The following AGMO variants were observed in gnomAD, a reference collection of about 807,000 sequenced individuals.
AGMO encodes the protein glyceryl-ether monooxygenase.
AGMO carries 75 observed loss-of-function variants against 60.2 expected under a neutral mutation model. That is an observed-to-expected ratio of 1.25 (90% confidence interval 1.03 to 1.51). The LOEUF (loss-of-function observed/expected upper bound fraction) is 1.51, where lower values mean the gene tolerates loss of function less well. AGMO is among the 40% of genes most tolerant of loss of function. AGMO has a pLI of 0.00. For synonymous variants in AGMO, 261 were observed against 177.1 expected (o/e 1.47, Z -3.76); for missense variants, 763 against 525.5 (o/e 1.45, Z -4.42).
chr7:15,467,812 G>T (rs1317660514), intron 3 of AGMO, among the ~76,000 whole-genome samples: 1 of 152,064 alleles, frequency 6.6e-6, no homozygotes, highest in Admixed American at 6.6e-5. Context: ...TATAATTGAA[G>T]ATTAAGATAT....
intron 12 of AGMO, among the ~76,000 whole-genome samples, chr7:15,216,456 G>C (rs897010983): frequency 1.3e-5 from 2 of 151,944 alleles, no homozygotes; most frequent in African/African-American, 4.8e-5. Flanking sequence ...TAAAATCCAA[G>C]AGCCTTGATT....
chr7:15,225,669 C>CT (rs1782058298), intron 12 of AGMO, among the ~76,000 whole-genome samples: 1 of 151,858 alleles, frequency 6.6e-6, no homozygotes, highest in Non-Finnish European at 1.5e-5. Context: ...TATTGAGCTT[C>CT]TATTATGATT....
At chr7:15,352,160 G>A (rs533711609) in intron 12 of AGMO, among the ~76,000 whole-genome samples, 2 of 152,126 alleles carry the variant, frequency 1.3e-5, no homozygotes, top group African/African-American at 4.8e-5. Flanking sequence ...GGACTGTTAG[G>A]GGAATCGAAA....
intron 12 of AGMO, among the ~76,000 whole-genome samples, chr7:15,283,196 C>G (rs1784014573): frequency 6.6e-6 from 1 of 151,922 alleles, no homozygotes. Context: ...AACAAAGTAT[C>G]TAGATAACAT....
At chr7:15,480,217 G>C (rs1344426864) in intron 3 of AGMO, among the ~76,000 whole-genome samples, 2 of 152,118 alleles carry the variant, frequency 1.3e-5, no homozygotes, top group Non-Finnish European at 2.9e-5. Flanking sequence ...AGTAATTAAG[G>C]ATTATCTAGA....
At chr7:15,326,633 T>C (rs912903783) in intron 12 of AGMO, among the ~76,000 whole-genome samples, 10 of 152,202 alleles carry the variant, frequency 6.6e-5, no homozygotes, top group Non-Finnish European at 4.4e-5. Context: ...CTCTTACGTG[T>C]GCTTACAGTA....
chr7:15,470,508 TTAA>T (rs1782424908), intron 3 of AGMO, among the ~76,000 whole-genome samples: 1 of 151,960 alleles, frequency 6.6e-6, no homozygotes, highest in Admixed American at 6.6e-5. Context: ...AATTAGAATC[TTAA>T]TAAATTGACT....
chr7:15,338,262 T>C (rs1781725861), intron 12 of AGMO, among the ~76,000 whole-genome samples: 1 of 152,312 alleles, frequency 6.6e-6, no homozygotes, highest in Non-Finnish European at 1.5e-5. Flanking sequence ...TGCTACCAAG[T>C]TGCAAAACAT....
At chr7:15,495,498 G>C (rs572936054) in intron 3 of AGMO, among the ~76,000 whole-genome samples, 23 of 152,236 alleles carry the variant, frequency 1.5e-4, no homozygotes, top group African/African-American at 5.3e-4. Flanking sequence ...TCAAATAGAA[G>C]GGGGGATTTT....
At chr7:15,185,291 T>A in the AGMO span, among the ~76,000 whole-genome samples, 1 of 152,130 alleles carries the variant, frequency 6.6e-6, no homozygotes, top group Non-Finnish European at 1.5e-5. Flanking sequence ...TATAATATAT[T>A]TGAATTAGAG....
chr7:15,348,308 C>A (rs2128552702), intron 12 of AGMO, among the ~76,000 whole-genome samples: 1 of 152,028 alleles, frequency 6.6e-6, no homozygotes, highest in Non-Finnish European at 1.5e-5. Flanking sequence ...GTGCTAAAGT[C>A]AAACACATAC....
the AGMO span, among the ~76,000 whole-genome samples, chr7:15,180,796 C>T: frequency 1.3e-5 from 2 of 152,096 alleles, no homozygotes. Context: ...CTGTTGCTAT[C>T]GCAGAATATC....
intron 12 of AGMO, among the ~76,000 whole-genome samples, chr7:15,354,354 AGACGTG>A (rs1782385283): frequency 2.6e-5 from 2 of 76,440 alleles, no homozygotes; most frequent in East Asian, 4.2e-4. Context: ...GCGTGTATAT[AGACGTG>A]TGTATATAGA....
rs10244991 is a variant in AGMO at position 15,415,568 on chromosome 7, C to G, written c.609+2990G>C. Among the ~76,000 whole-genome samples, 9 of 151,710 alleles carry G rather than the reference C, an allele frequency of 5.9e-5. No homozygotes were observed. The South Asian group carries it at 1.9e-3, about 32-fold the overall frequency. On this transcript the variant is annotated intron_variant, in intron 5 of 12. Transcript: ENST00000342526. ...GAAAAAAAAATATCATTGAATCATT[C>G]GGTTCAAATCTTCAATATCAAAGAA... is the stretch of plus-strand genomic sequence containing the variant.
At chr7:15,195,865 GA>G (rs1781104170), downstream of AGMO, among the ~76,000 whole-genome samples, 1 of 152,060 alleles carries the variant, frequency 6.6e-6, no homozygotes, top group Non-Finnish European at 1.5e-5. Context: ...CATTAAAAAT[GA>G]AAAATCAGAC....
chr7:15,202,208 A>G (rs1287724132), intron 12 of AGMO, among the ~76,000 whole-genome samples: 1 of 151,996 alleles, frequency 6.6e-6, no homozygotes, highest in Non-Finnish European at 1.5e-5. Context: ...TACTATTAAA[A>G]TAGGACCAGA....
intron 3 of AGMO, among the ~76,000 whole-genome samples, chr7:15,489,300 A>C (rs1391129859): frequency 6.6e-6 from 1 of 152,212 alleles, no homozygotes; most frequent in African/African-American, 2.4e-5. Flanking sequence ...AAAAACTTAC[A>C]TAACTTTAAG....
intron 12 of AGMO, among the ~76,000 whole-genome samples, chr7:15,343,477 GTTAA>G (rs1781930666): frequency 6.6e-6 from 1 of 152,114 alleles, no homozygotes; most frequent in Non-Finnish European, 1.5e-5. Context: ...TGGAGAAACA[GTTAA>G]AAGATTTTTT....
chr7:15,547,594 T>C (rs1411610710), intron 2 of AGMO, among the ~76,000 whole-genome samples: 1 of 151,966 alleles, frequency 6.6e-6, no homozygotes, highest in Non-Finnish European at 1.5e-5. Context: ...CACACGAATA[T>C]TGCGCTTTTC....
Sources: allele counts gnomAD v4.1 joint callset (sites outside exome capture counted in the v4.1 genomes callset), GRCh38; gene constraint gnomAD v4.1.1; transcripts MANE v1.5; gene names NCBI Gene and HGNC (gene_info 2026-07-23, HGNC 2026-07-21).